Variants in IKZF1 observed in about 807,000 individuals in gnomAD.
IKZF1 encodes the protein IKAROS family zinc finger 1.
In IKZF1, 10 loss-of-function variants were observed where a neutral mutation model predicts 51.7. The observed-to-expected ratio is 0.19, with a 90% CI of 0.12 to 0.33. IKZF1 has a LOEUF of 0.33. Among genes scored for constraint, IKZF1 ranks in the 10% least tolerant of loss-of-function variants. The probability of loss-of-function intolerance (pLI) is 1.00; values close to 1 mark genes in which losing one functional copy is unlikely to be tolerated. For missense variants in IKZF1, 484 were observed against 707.5 expected (o/e 0.68, Z 3.58); for synonymous variants, 280 against 282.3 (o/e 0.99, Z 0.08).
chr7:50,398,186 C>G lies in IKZF1; in HGVS notation c.851-1732C>G, dbSNP rs540817976. On this transcript the variant is annotated intron_variant, in intron 7 of 7. Coordinates refer to ENST00000331340, the MANE Select transcript of IKZF1 (RefSeq NM_006060.6). ...CCTCACCAGCCATCATCAGCCATAA[C>G]CTGCACATTGGGGAAGTTTTGACTT... 3.3e-5 allele frequency among the ~76,000 whole-genome samples: 5 copies of G among 152,378 alleles called. No individual in the cohort carries two copies. The South Asian group carries it at 1.0e-3, about 32-fold the overall frequency.
chr7:50,369,538 A>G (rs995279047), intron 3 of IKZF1: 12 of 398,494 alleles, frequency 3.0e-5, no homozygotes, highest in African/African-American at 2.1e-4. Context: ...AATTGTGACT[A>G]TCTTCTCACA....
At position 50,400,442 on chromosome 7, in the gene IKZF1, A is replaced by G. The variant is rs1817883499; in HGVS notation, c.1375A>G (p.Met459Val). Residue 459 changes from methionine to valine, a missense_variant, in exon 8 of 8, where the codon ATG becomes GTG. By Grantham distance (21) the Met-to-Val change is conservative. Coordinates refer to ENST00000331340, the MANE Select transcript of IKZF1 (RefSeq NM_006060.6). This position sits in a 1 kb window ranked among gnomAD's most constrained non-coding sequence, Gnocchi z 5.4. ...LRVVSTSGEQ[M>V]KVYKCEHCRV... ...CGTGGTCAGCACCAGCGGGGAGCAG[A>G]TGAAGGTGTACAAGTGCGAACACTG... The G allele has an allele frequency of 1.1e-5, 17 of 1,613,796 alleles. No homozygotes were observed. Among genetic ancestry groups the G allele is most frequent in the Non-Finnish European group, 1.1e-5 (13 of 1,179,878 alleles).
At chr7:50,343,205 C>T (rs1162192723) in intron 3 of IKZF1, among the ~76,000 whole-genome samples, 3 of 120,914 alleles carry the variant, frequency 2.5e-5, no homozygotes, top group Admixed American at 1.7e-4. Context: ...CTCCCTTCCC[C>T]TCGTCTCCCT....
intron 3 of IKZF1, among the ~76,000 whole-genome samples, chr7:50,361,794 T>C (rs1049050606): frequency 6.6e-6 from 1 of 152,022 alleles, no homozygotes; most frequent in African/African-American, 2.4e-5. Flanking sequence ...GAGAATCACT[T>C]GAACCCGGGA....
intron 2 of IKZF1, 57 bp downstream of exon 2, chr7:50,319,158 C>A (rs1021317021): frequency 1.3e-6 from 2 of 1,488,004 alleles, no homozygotes; most frequent in South Asian, 1.1e-5. Flanking sequence ...TCCCTGGGGC[C>A]GGAAGTCACA....
At chr7:50,337,085 G>T (rs1292535837) in intron 3 of IKZF1, among the ~76,000 whole-genome samples, 2 of 152,138 alleles carry the variant, frequency 1.3e-5, no homozygotes, top group Non-Finnish European at 2.9e-5. Flanking sequence ...GGCTCGGTAG[G>T]ATTGGGGCAA....
intron 3 of IKZF1, among the ~76,000 whole-genome samples, chr7:50,359,300 A>T (rs1175161680): frequency 6.6e-6 from 1 of 152,252 alleles, no homozygotes; most frequent in Non-Finnish European, 1.5e-5. Flanking sequence ...GCAACAAGTC[A>T]CAATTCCTTG....
rs918643126 is a variant in IKZF1, at chr7:50,376,519, A to G, written c.161-14A>G. 1.9e-6 allele frequency: 3 copies of G among 1,612,364 alleles called. No individual in the cohort carries two copies. The South Asian group carries it at 3.3e-5, about 18-fold the overall frequency. On this transcript the variant is annotated splice_polypyrimidine_tract_variant and intron_variant, in intron 3 of 7. Transcript: ENST00000331340. The surrounding 1 kb of genome is among the most constrained non-coding windows in gnomAD (Gnocchi z 4.5). ...GCAATGACACTGAGTGGCCTCCTGT[A>G]TTGTTTCTTTCAGCCAGTAATGTTA...
intron 3 of IKZF1, among the ~76,000 whole-genome samples, chr7:50,365,756 C>G (rs1338603985): frequency 6.6e-6 from 1 of 152,168 alleles, no homozygotes; most frequent in African/African-American, 2.4e-5. Context: ...CCATTTGACC[C>G]AGCAATCCCA....
chr7:50,366,099 G>A (rs1806848872), intron 3 of IKZF1, among the ~76,000 whole-genome samples: 1 of 152,096 alleles, frequency 6.6e-6, no homozygotes, highest in South Asian at 2.1e-4. Context: ...ACATAGAGGG[G>A]CCTATCAGAG....
At chr7:50,325,032 G>A (rs1434443302) in intron 2 of IKZF1, among the ~76,000 whole-genome samples, 1 of 151,898 alleles carries the variant, frequency 6.6e-6, no homozygotes, top group Non-Finnish European at 1.5e-5. Context: ...CATGAGACGC[G>A]TGCACACCCC....
chr7:50,334,127 A>G (rs949662291), intron 3 of IKZF1, among the ~76,000 whole-genome samples: 2 of 152,258 alleles, frequency 1.3e-5, no homozygotes, highest in East Asian at 1.9e-4. Flanking sequence ...TTTGTCAAAT[A>G]GTTCAAAATG....
chr7:50,354,421 G>C (rs1472026750), intron 3 of IKZF1, among the ~76,000 whole-genome samples: 1 of 152,200 alleles, frequency 6.6e-6, no homozygotes, highest in Non-Finnish European at 1.5e-5. Flanking sequence ...AAGCCTCCCA[G>C]GCACAGGGCA....
At chr7:50,326,171 G>A (rs186209277) in intron 2 of IKZF1, among the ~76,000 whole-genome samples, 24 of 152,262 alleles carry the variant, frequency 1.6e-4, no homozygotes, top group Non-Finnish European at 2.8e-4. Context: ...CTGAAATGCT[G>A]GTATTACTCT....
chr7:50,318,617 G>T, intron 1 of IKZF1: 1 of 216,988 alleles, frequency 4.6e-6, no homozygotes, highest in Non-Finnish European at 9.3e-6. Context: ...ATTGCTGATT[G>T]TACGCGTGTC....
intron 3 of IKZF1, among the ~76,000 whole-genome samples, chr7:50,362,207 C>T (rs1390135605): frequency 6.6e-6 from 1 of 152,216 alleles, no homozygotes; most frequent in African/African-American, 2.4e-5. Context: ...TGACTTTGGC[C>T]ATCACTGACA....
At chr7:50,314,270 C>G (rs566100611) in intron 1 of IKZF1, among the ~76,000 whole-genome samples, 1 of 152,328 alleles carries the variant, frequency 6.6e-6, no homozygotes, top group Non-Finnish European at 1.5e-5. Flanking sequence ...GCCACCACAC[C>G]TGGCTAATTT....
intron 4 of IKZF1, among the ~76,000 whole-genome samples, chr7:50,380,227 T>C (rs977387353): frequency 1.3e-5 from 2 of 152,220 alleles, no homozygotes; most frequent in Admixed American, 6.5e-5. Context: ...CCTTGTGCTA[T>C]GTGTTCATAC....
chr7:50,364,266 G>T (rs1267409585), intron 3 of IKZF1, among the ~76,000 whole-genome samples: 4 of 152,140 alleles, frequency 2.6e-5, no homozygotes, highest in Admixed American at 2.6e-4. Flanking sequence ...TGGTTTGTGG[G>T]TATTTCATTT....
Sources: allele counts gnomAD v4.1 joint callset (sites outside exome capture counted in the v4.1 genomes callset), GRCh38; gene constraint gnomAD v4.1.1; non-coding constraint Gnocchi (gnomAD v3.1); transcripts MANE v1.5; gene names NCBI Gene and HGNC (gene_info 2026-07-23, HGNC 2026-07-21).